The following GRM7 variants were observed in gnomAD, a reference collection of about 807,000 sequenced individuals.
GRM7 encodes the protein glutamate metabotropic receptor 7, also known as metabotropic glutamate receptor 7.
In GRM7, 35 loss-of-function variants were observed where a neutral mutation model predicts 84.5. The observed-to-expected ratio is 0.41, with a 90% CI of 0.32 to 0.55. The LOEUF (loss-of-function observed/expected upper bound fraction) is 0.55, where lower values mean the gene tolerates loss of function less well. Among genes scored for constraint, GRM7 ranks in the 20% least tolerant of loss-of-function variants. The pLI, the probability that GRM7 is intolerant of heterozygous loss-of-function variation, is 0.19. For synonymous variants in GRM7, 487 were observed against 455.1 expected (o/e 1.07, Z -0.89); for missense variants, 1,003 against 1,194.6 (o/e 0.84, Z 2.36).
intron 2 of GRM7, among the ~76,000 whole-genome samples, chr3:7,287,282 T>C (rs1699464429): frequency 6.6e-6 from 1 of 152,150 alleles, no homozygotes; most frequent in Non-Finnish European, 1.5e-5. Context: ...TGACTTGACT[T>C]CTGTTGGAAT....
chr3:7,131,098 T>C (rs1442144151), intron 1 of GRM7, among the ~76,000 whole-genome samples: 1 of 152,132 alleles, frequency 6.6e-6, no homozygotes, highest in African/African-American at 2.4e-5. Context: ...CATATATTCA[T>C]CCAGGAGCTA....
Position 7,541,114 on chromosome 3 carries a change from G to A in GRM7, c.1516-37308G>A, listed in dbSNP as rs371664487. On this transcript the variant is annotated intron_variant, in intron 7 of 9. Transcript: ENST00000357716. ...AAGTCAGGAGTTTGGCAATATTCAG[G>A]TTCTTAAATTAAGTGTAAATATGCT... is the stretch of plus-strand genomic sequence containing the variant. 3.9e-5 allele frequency among the ~76,000 whole-genome samples: 6 copies of A among 152,220 alleles called. No individual in the cohort carries two copies. In the East Asian group the frequency reaches 7.7e-4, roughly 20 times the overall value.
At chr3:7,114,828 C>T (rs1178622076) in intron 1 of GRM7, among the ~76,000 whole-genome samples, 1 of 152,092 alleles carries the variant, frequency 6.6e-6, no homozygotes, top group African/African-American at 2.4e-5. Flanking sequence ...TGACCAGTTT[C>T]GTGGTGTTTT....
intron 1 of GRM7, among the ~76,000 whole-genome samples, chr3:7,127,239 T>C (rs1693432327): frequency 6.6e-6 from 1 of 152,198 alleles, no homozygotes; most frequent in African/African-American, 2.4e-5. Flanking sequence ...CACACCTTTC[T>C]CTCCCCTAAA....
At chr3:7,221,654 ATATAT>A (rs1261797588) in intron 2 of GRM7, among the ~76,000 whole-genome samples, 3 of 151,198 alleles carry the variant, frequency 2.0e-5, no homozygotes, top group African/African-American at 7.3e-5. Context: ...GTCTCTACTG[ATATAT>A]TAATTTTAAA....
At chr3:7,358,196 C>T (rs2125100302) in intron 4 of GRM7, among the ~76,000 whole-genome samples, 1 of 152,070 alleles carries the variant, frequency 6.6e-6, no homozygotes, top group Non-Finnish European at 1.5e-5. Flanking sequence ...TATAAAGATC[C>T]CAGAAGTAAG....
At chr3:7,227,226 T>C (rs1575055800) in intron 2 of GRM7, among the ~76,000 whole-genome samples, 1 of 152,356 alleles carries the variant, frequency 6.6e-6, no homozygotes, top group East Asian at 1.9e-4. Context: ...CCATTTGTGT[T>C]TTCATCATTT....
At chr3:7,714,756 C>T (rs929123955) in intron 9 of GRM7, among the ~76,000 whole-genome samples, 1 of 152,190 alleles carries the variant, frequency 6.6e-6, no homozygotes, top group African/African-American at 2.4e-5. Context: ...TATCCAAGAA[C>T]AGTTTGGGTC....
chr3:7,032,286 C>G (rs756763846), intron 1 of GRM7, among the ~76,000 whole-genome samples: 29 of 152,072 alleles, frequency 1.9e-4, no homozygotes, highest in Non-Finnish European at 4.0e-4. Flanking sequence ...GGCTTTCAGC[C>G]CAAACTGTTC....
At chr3:6,990,028 CT>C (rs1694574830) in intron 1 of GRM7, among the ~76,000 whole-genome samples, 1 of 152,188 alleles carries the variant, frequency 6.6e-6, no homozygotes, top group African/African-American at 2.4e-5. Flanking sequence ...CTAGCTGACT[CT>C]GCATTTTCTT....
At chr3:7,735,104 C>T (rs1235837545) in intron 9 of GRM7, among the ~76,000 whole-genome samples, 3 of 152,112 alleles carry the variant, frequency 2.0e-5, no homozygotes, top group Non-Finnish European at 4.4e-5. Flanking sequence ...TAAAGAATCC[C>T]TCCCAGTTGA....
chr3:7,727,691 T>A (rs2106524112), intron 9 of GRM7, among the ~76,000 whole-genome samples: 1 of 152,304 alleles, frequency 6.6e-6, no homozygotes, highest in African/African-American at 2.4e-5. Flanking sequence ...CACATAGGCT[T>A]CTGGTCTGTT....
intron 2 of GRM7, among the ~76,000 whole-genome samples, chr3:7,150,159 C>G (rs1694241207): frequency 6.6e-6 from 1 of 151,896 alleles, no homozygotes. Context: ...GTACTGCTGG[C>G]AGGTTGGAAG....
chr3:7,325,807 T>C (rs993762193), intron 4 of GRM7, among the ~76,000 whole-genome samples: 2 of 152,208 alleles, frequency 1.3e-5, no homozygotes, highest in Admixed American at 1.3e-4. Flanking sequence ...TTCCAATTGA[T>C]GTACCAATTA....
At position 7,229,839 on chromosome 3, in the gene GRM7, CT is replaced by C. The variant is rs766896334; in HGVS notation, c.737-68827del. Reference sequence around the variant, plus strand: ...TTATGGGTCAGCAATCTTCCATCTTCTTTTTTTTTTTTTTTTTTGAGACGGA... The same window carrying C: ...TTATGGGTCAGCAATCTTCCATCTTCTTTTTTTTTTTTTTTTTGAGACGGA... On this transcript the variant is annotated intron_variant, in intron 2 of 9. Transcript: ENST00000357716. 5.4e-3 allele frequency among the ~76,000 whole-genome samples: 387 copies of C among 72,008 alleles called. 1 individual carries two copies. The highest frequency in any genetic ancestry group is 0.013 in the African/African-American group (220 of 17,052). The allele number at this position is 72,008 out of a possible 152,430, so 47.2% of individuals were successfully genotyped here.
intron 1 of GRM7, among the ~76,000 whole-genome samples, chr3:7,083,077 A>T (rs1375704260): frequency 2.0e-5 from 3 of 152,114 alleles, no homozygotes; most frequent in African/African-American, 7.2e-5. Flanking sequence ...GAGAGGATTG[A>T]CTCCACTTTT....
chr3:7,340,698 C>A lies in GRM7; in HGVS notation c.1033+34046C>A, dbSNP rs1701605615. 2.6e-5 allele frequency among the ~76,000 whole-genome samples: 4 copies of A among 152,144 alleles called. No homozygotes were observed. The South Asian group carries it at 8.3e-4, about 31-fold the overall frequency. ...GCCCTTGCCCTCAACCATAATACCT[C>A]AGTTTTGGATTAATCACTTTTGCCA... is the stretch of plus-strand genomic sequence containing the variant. On this transcript the variant is annotated intron_variant, in intron 4 of 9. Coordinates refer to ENST00000357716, the MANE Select transcript of GRM7 (RefSeq NM_000844.4).
intron 2 of GRM7, among the ~76,000 whole-genome samples, chr3:7,286,888 A>G (rs192473629): frequency 8.5e-5 from 13 of 152,328 alleles, no homozygotes; most frequent in Admixed American, 8.5e-4. Flanking sequence ...GCCACAAAAG[A>G]CAAATATATT....
chr3:7,711,184 A>G (rs73123741), intron 9 of GRM7, among the ~76,000 whole-genome samples: 1 of 152,224 alleles, frequency 6.6e-6, no homozygotes, highest in Non-Finnish European at 1.5e-5. Context: ...GAAAATCATA[A>G]GGGCAGTATA....
Sources: allele counts gnomAD v4.1 joint callset (sites outside exome capture counted in the v4.1 genomes callset), GRCh38; gene constraint gnomAD v4.1.1; transcripts MANE v1.5; gene names NCBI Gene and HGNC (gene_info 2026-07-23, HGNC 2026-07-21).